Variants in ZC3H14 observed in about 807,000 individuals in gnomAD.
ZC3H14 encodes the protein zinc finger CCCH domain-containing protein 14.
Under a neutral mutation model 92.4 loss-of-function variants are expected in ZC3H14, and 31 were observed. That is an observed-to-expected ratio of 0.34 (90% CI 0.25 to 0.45). ZC3H14 has a LOEUF of 0.45. Among genes scored for constraint, ZC3H14 ranks in the 20% least tolerant of loss-of-function variants. ZC3H14 has a pLI of 1.00. For missense variants in ZC3H14, 781 were observed against 897.3 expected, an observed-to-expected ratio of 0.87 and a Z score of 1.66; for synonymous variants, 321 against 300.9, an observed-to-expected ratio of 1.07 and a Z score of -0.69.
chr14:88,577,948 C>T (rs2081378665), intron 8 of ZC3H14, 37 bp from the exon 9 acceptor site: 1 of 1,612,804 alleles, frequency 6.2e-7, no homozygotes, highest in Non-Finnish European at 8.5e-7. Flanking sequence ...CGTATTACTG[C>T]ATTTGTATTT....
intron 9 of ZC3H14, among the ~76,000 whole-genome samples, chr14:88,585,950 C>T (rs2082421651): frequency 6.6e-6 from 1 of 152,138 alleles, no homozygotes; most frequent in Non-Finnish European, 1.5e-5. Context: ...GGGTGGATCA[C>T]CTGAGGTCAG....
chr14:88,622,639 C>CT lies in ZC3H14; in HGVS notation c.*10890dup. ...CACACAGAACGAACACAATCTGTGG[C>CT]TTGTCCTGTCTCAAGCCTGAAGGCA... On this transcript the variant is annotated 3_prime_UTR_variant, in exon 17 of 17. Transcript: ENST00000251038. 1 of 1,611,026 alleles carries CT rather than the reference C, an allele frequency of 6.2e-7. No individual in the cohort carries two copies. Among genetic ancestry groups the CT allele is most frequent in the Non-Finnish European group, 8.5e-7 (1 of 1,178,434 alleles).
At chr14:88,592,692 G>C (rs1004313474) in intron 9 of ZC3H14, among the ~76,000 whole-genome samples, 3 of 151,644 alleles carry the variant, frequency 2.0e-5, no homozygotes, top group Admixed American at 2.0e-4. Context: ...GTGGAGACAG[G>C]GTTTTGCCAT....
intron 12 of ZC3H14, among the ~76,000 whole-genome samples, chr14:88,604,119 C>T (rs2085008953): frequency 6.6e-6 from 1 of 152,172 alleles, no homozygotes; most frequent in Non-Finnish European, 1.5e-5. Flanking sequence ...GTTTTCACTA[C>T]TCTTGATTTT....
intron 13 of ZC3H14, chr14:88,608,925 TCA>T (rs1566983256): frequency 3.4e-6 from 1 of 291,158 alleles, no homozygotes; most frequent in African/African-American, 2.2e-5. Flanking sequence ...TCTTTTTGTA[TCA>T]CAAAGCCTTG....
chr14:88,627,144 G>A lies in ZC3H14; in HGVS notation c.*15393G>A. 7.8e-7 allele frequency: 1 copy of A among 1,279,170 alleles called. No individual in the cohort carries two copies. Among genetic ancestry groups the A allele is most frequent in the Non-Finnish European group, 1.1e-6 (1 of 903,938 alleles). The allele number at this position is 1,279,170 out of a possible 1,614,324, so 79.2% of individuals were successfully genotyped here. On this transcript the variant is annotated 3_prime_UTR_variant, in exon 17 of 17. Transcript: ENST00000251038. ...AAAATACATAGTTCAAAAAACAAAG[G>A]CTTAGAAGAGAGGCCAATGGCCCCT...
Position 88,622,014 on chromosome 14 carries a change from T to G in ZC3H14, c.*10263T>G, listed in dbSNP as rs1007280465. On this transcript the variant is annotated 3_prime_UTR_variant, in exon 17 of 17. Coordinates refer to ENST00000251038, the MANE Select transcript of ZC3H14 (RefSeq NM_024824.5). ...GTGTAAACTTGTATCCTTTAACCAG[T>G]CCTTCCCTATCCCCCTCCCCCTCCC... 8.8e-6 allele frequency: 3 copies of G among 342,470 alleles called. No individual in the cohort carries two copies. The Admixed American group carries it at 9.0e-5, about 10-fold the overall frequency. 21.2% of individuals were successfully genotyped at this position (342,470 alleles called of 1,614,324 possible).
rs556466702 is a variant in ZC3H14, at chr14:88,563,061, G to T, written c.-73G>T. The T allele has an allele frequency of 7.2e-6, 11 of 1,536,300 alleles. 1 individual carries two copies. The South Asian group carries it at 1.2e-4, about 17-fold the overall frequency. ...AGGAGGCGGTGGTGTCCCGGCTGCGGGGTAGGAGTCCGCGGCAGCCTCCGG... is the reference window on the plus strand; with the variant it reads ...AGGAGGCGGTGGTGTCCCGGCTGCGTGGTAGGAGTCCGCGGCAGCCTCCGG... On this transcript the variant is annotated 5_prime_UTR_variant, in exon 1 of 17. Coordinates refer to ENST00000251038, the MANE Select transcript of ZC3H14 (RefSeq NM_024824.5).
intron 9 of ZC3H14, among the ~76,000 whole-genome samples, chr14:88,584,716 C>T (rs1175224030): frequency 6.6e-6 from 1 of 152,134 alleles, no homozygotes; most frequent in East Asian, 1.9e-4. Context: ...GAAAGGTGAT[C>T]TCGCAGTTCT....
chr14:88,574,891 C>T, intron 7 of ZC3H14, 38 bp downstream of exon 7: 2 of 1,613,428 alleles, frequency 1.2e-6, no homozygotes, highest in East Asian at 4.5e-5. Context: ...CTTTAACTGC[C>T]TTGGTGGAGT....
chr14:88,618,405 A>T lies in ZC3H14; in HGVS notation c.*6654A>T, dbSNP rs2088129407. 2 of 1,303,208 alleles carry T rather than the reference A, an allele frequency of 1.5e-6. No homozygotes were observed. The highest frequency in any genetic ancestry group is 2.4e-5 in the South Asian group (2 of 82,202). The allele number at this position is 1,303,208 out of a possible 1,614,324, so 80.7% of individuals were successfully genotyped here. A position where few individuals can be genotyped will look rare whatever the true frequency, so the allele number is the denominator to read the frequency against. On this transcript the variant is annotated 3_prime_UTR_variant, in exon 17 of 17. Coordinates refer to ENST00000251038, the MANE Select transcript of ZC3H14 (RefSeq NM_024824.5). ...AAAATCCACAGGGGGTTTACAGAATACTAGCATATTGCTACTTGATTTACA... is the reference window on the plus strand; with the variant it reads ...AAAATCCACAGGGGGTTTACAGAATTCTAGCATATTGCTACTTGATTTACA...
Position 88,621,543 on chromosome 14 carries a change from C to T in ZC3H14, c.*9792C>T. The T allele has an allele frequency of 1.9e-6, 1 of 534,174 alleles. No individual in the cohort carries two copies. The highest frequency in any genetic ancestry group is 3.3e-6 in the Non-Finnish European group (1 of 303,994). 33.1% of individuals were successfully genotyped at this position (534,174 alleles called of 1,614,324 possible). On this transcript the variant is annotated 3_prime_UTR_variant, in exon 17 of 17. Transcript: ENST00000251038. ...GCTACAGAATAGAACTTTTCTGTGG[C>T]AGTACACCTGGATTCTTCAATAATC...
Position 88,574,803 on chromosome 14 carries a change from A to G in ZC3H14, c.972A>G (p.Arg324=). Residue 324 remains arginine, a synonymous_variant, in exon 7 of 17, where the codon CGA becomes CGG. Coordinates refer to ENST00000251038, the MANE Select transcript of ZC3H14 (RefSeq NM_024824.5). ...EEEEDDDYGS[R]TGSISSSVSV... ...AAGAAGATGATGATTACGGGTCTCG[A>G]ACAGGAAGCATCTCCAGCAGTGTGT... The G allele has an allele frequency of 6.2e-7, 1 of 1,614,250 alleles. No individual in the cohort carries two copies.
At chr14:88,584,911 C>T (rs141414778) in intron 9 of ZC3H14, among the ~76,000 whole-genome samples, 29 of 151,792 alleles carry the variant, frequency 1.9e-4, no homozygotes, top group African/African-American at 6.5e-4. Flanking sequence ...AGTTATTCAC[C>T]ATTTCTGGAT....
chr14:88,588,132 T>C, intron 9 of ZC3H14, among the ~76,000 whole-genome samples: 1 of 152,192 alleles, frequency 6.6e-6, no homozygotes, highest in East Asian at 1.9e-4. Context: ...CTCTGTGCTT[T>C]GAAATCTTTG....
intron 9 of ZC3H14, among the ~76,000 whole-genome samples, chr14:88,593,948 A>G (rs535301475): frequency 3.3e-5 from 5 of 152,244 alleles, no homozygotes; most frequent in African/African-American, 1.2e-4. Flanking sequence ...CACCTGTCTA[A>G]TAATGGTCTA....
At chr14:88,574,292 C>G (rs1404764319) in intron 6 of ZC3H14, 2 of 188,380 alleles carry the variant, frequency 1.1e-5, no homozygotes, top group East Asian at 2.9e-4. Flanking sequence ...GTCGCCCAGG[C>G]TGGAGTGCAG....
At chr14:88,579,686 A>C (rs1441102390) in intron 9 of ZC3H14, among the ~76,000 whole-genome samples, 1 of 152,248 alleles carries the variant, frequency 6.6e-6, no homozygotes, top group Non-Finnish European at 1.5e-5. Context: ...AAGGTTGTTG[A>C]TTCTGAAGTT....
rs1299422483 is a variant in ZC3H14 at position 88,613,380 on chromosome 14, A to G, written c.*1629A>G. On this transcript the variant is annotated 3_prime_UTR_variant, in exon 17 of 17. Coordinates refer to ENST00000251038, the MANE Select transcript of ZC3H14 (RefSeq NM_024824.5). ...TTTTAAATTGTTTAAATATCTGGAA[A>G]TACTTTTAGCTATCATTTATAAAGA... 5 of 152,256 alleles carry G rather than the reference A, an allele frequency of 3.3e-5. No individual in the cohort carries two copies. The highest frequency in any genetic ancestry group is 7.2e-5 in the African/African-American group (3 of 41,520). 9.4% of individuals were successfully genotyped at this position (152,256 alleles called of 1,614,324 possible). A position where few individuals can be genotyped will look rare whatever the true frequency, so the allele number is the denominator to read the frequency against.
Sources: allele counts gnomAD v4.1 joint callset (sites outside exome capture counted in the v4.1 genomes callset), GRCh38; gene constraint gnomAD v4.1.1; transcripts MANE v1.5; gene names NCBI Gene and HGNC (gene_info 2026-07-23, HGNC 2026-07-21).